MECOM: variants seen among roughly 807,000 people sequenced by gnomAD.
MECOM encodes histone-lysine N-methyltransferase MECOM.
In MECOM, 13 loss-of-function variants were observed where a neutral mutation model predicts 116.3. The ratio of observed to expected loss-of-function variants is 0.11; its 90% CI spans 0.07 to 0.18. The LOEUF (loss-of-function observed/expected upper bound fraction) is 0.18, where lower values mean the gene tolerates loss of function less well. Ranked by LOEUF, MECOM falls within the 10% of genes least tolerant of loss-of-function variation. MECOM has a pLI of 1.00. For synonymous variants in MECOM, 528 were observed against 535.2 expected (o/e 0.99, Z 0.19); for missense variants, 1,299 against 1,509.0 (o/e 0.86, Z 2.31).
chr3:169,646,225 G>A (rs985517669), intron 1 of MECOM, among the ~76,000 whole-genome samples: 10 of 149,014 alleles, frequency 6.7e-5, no homozygotes, highest in African/African-American at 1.5e-4. Flanking sequence ...GCCAAACACC[G>A]CATGTTCTCA....
At chr3:169,244,545 G>A (rs930301365) in intron 2 of MECOM, among the ~76,000 whole-genome samples, 1 of 152,146 alleles carries the variant, frequency 6.6e-6, no homozygotes, top group African/African-American at 2.4e-5. Context: ...AGAGACCTCT[G>A]CACCCAAGCT....
At chr3:169,507,650 CTTTTTTTTTTTTTTTTTT>C (rs1165167849) in intron 1 of MECOM, among the ~76,000 whole-genome samples, 2 of 57,146 alleles carry the variant, frequency 3.5e-5, no homozygotes, top group South Asian at 5.4e-4. Context: ...TCCCCACTTG[CTTTTTTTTTTTTTTTTTT>C]TTTTTTTTTT....
At chr3:169,191,503 A>C (rs1747542967) in intron 2 of MECOM, among the ~76,000 whole-genome samples, 1 of 151,748 alleles carries the variant, frequency 6.6e-6, no homozygotes, top group Non-Finnish European at 1.5e-5. Flanking sequence ...AGATGGATAA[A>C]ATATGTTTGA....
At chr3:169,148,624 C>A (rs577430002) in intron 2 of MECOM, among the ~76,000 whole-genome samples, 1 of 152,120 alleles carries the variant, frequency 6.6e-6, no homozygotes, top group African/African-American at 2.4e-5. Context: ...GGGACACTTG[C>A]GGGGGAGAGG....
intron 1 of MECOM, among the ~76,000 whole-genome samples, chr3:169,533,339 G>C (rs1215784664): frequency 1.3e-5 from 2 of 152,180 alleles, no homozygotes; most frequent in Non-Finnish European, 2.9e-5. Flanking sequence ...TCCAGGTCGT[G>C]ATGGTGGCAT....
chr3:169,276,914 G>T (rs2149670203), intron 2 of MECOM, among the ~76,000 whole-genome samples: 1 of 152,002 alleles, frequency 6.6e-6, no homozygotes, highest in East Asian at 1.9e-4. Flanking sequence ...ATTATATAAA[G>T]TATCTACTAT....
chr3:169,311,311 A>G (rs1469435659), intron 2 of MECOM, among the ~76,000 whole-genome samples: 1 of 152,254 alleles, frequency 6.6e-6, no homozygotes, highest in East Asian at 1.9e-4. Context: ...GTTTATACAA[A>G]GACCATGGAT....
At chr3:169,090,314 C>T in intron 14 of MECOM, 78 bp from the exon 15 acceptor site, 1 of 1,289,464 alleles carries the variant, frequency 7.8e-7, no homozygotes, top group East Asian at 2.3e-5. Context: ...ATTATGTCTT[C>T]CCAACAACAG....
At chr3:169,132,905 A>G (rs1355239627) in intron 3 of MECOM, among the ~76,000 whole-genome samples, 1 of 151,746 alleles carries the variant, frequency 6.6e-6, no homozygotes, top group Non-Finnish European at 1.5e-5. Flanking sequence ...AGCATGCAAC[A>G]CCACACCCAG....
chr3:169,091,089 T>C (rs532214079), intron 14 of MECOM, among the ~76,000 whole-genome samples: 5 of 152,192 alleles, frequency 3.3e-5, no homozygotes, highest in Admixed American at 3.3e-4. Flanking sequence ...TTAACCTCTT[T>C]TATCAAAGAA....
intron 9 of MECOM, among the ~76,000 whole-genome samples, chr3:169,109,019 A>T (rs1341384735): frequency 6.6e-6 from 1 of 152,246 alleles, no homozygotes. Context: ...AAGGAATAAT[A>T]GCCACTTTTA....
intron 1 of MECOM, among the ~76,000 whole-genome samples, chr3:169,563,115 G>T (rs1762846905): frequency 6.6e-6 from 1 of 150,892 alleles, no homozygotes; most frequent in Admixed American, 6.6e-5. Flanking sequence ...TGATTGCTTT[G>T]AAAGGGGTCA....
chr3:169,465,050 T>C (rs1422671310), intron 1 of MECOM, among the ~76,000 whole-genome samples: 4 of 152,136 alleles, frequency 2.6e-5, no homozygotes, highest in Non-Finnish European at 4.4e-5. Context: ...AATACTTATA[T>C]TAGAATCAGA....
At chr3:169,143,499 T>C (rs1471544357) in intron 3 of MECOM, among the ~76,000 whole-genome samples, 199 bp downstream of exon 3, 1 of 152,124 alleles carries the variant, frequency 6.6e-6, no homozygotes, top group African/African-American at 2.4e-5. Context: ...ACAAACTGAA[T>C]AGACTACCCA....
intron 1 of MECOM, among the ~76,000 whole-genome samples, chr3:169,647,402 C>T (rs1377669720): frequency 6.6e-6 from 1 of 152,212 alleles, no homozygotes; most frequent in Non-Finnish European, 1.5e-5. Flanking sequence ...CTCCATTTTA[C>T]AGATGATGAC....
chr3:169,238,672 A>T (rs1006600074), intron 2 of MECOM, among the ~76,000 whole-genome samples: 5 of 152,214 alleles, frequency 3.3e-5, no homozygotes, highest in African/African-American at 1.2e-4. Context: ...AAAAGTTTGC[A>T]TAAGGCATAA....
intron 1 of MECOM, among the ~76,000 whole-genome samples, chr3:169,460,875 A>G (rs1272952835): frequency 1.3e-5 from 2 of 152,180 alleles, no homozygotes; most frequent in Non-Finnish European, 2.9e-5. Context: ...ACAAAGGGGA[A>G]CCAATTAATT....
intron 2 of MECOM, among the ~76,000 whole-genome samples, chr3:169,152,252 A>AT (rs908313675): frequency 3.6e-4 from 55 of 151,810 alleles, no homozygotes; most frequent in African/African-American, 1.2e-3. Context: ...TTAAATTATT[A>AT]TTTTTTTTAT....
intron 1 of MECOM, among the ~76,000 whole-genome samples, chr3:169,481,335 T>C (rs946699512): frequency 2.6e-5 from 4 of 152,054 alleles, no homozygotes; most frequent in African/African-American, 7.2e-5. Context: ...GGTGGATCAA[T>C]TGAGGTCAGG....
Sources: gnomAD v4.1 joint callset for allele counts (sites outside exome capture counted in the v4.1 genomes callset) on GRCh38, gnomAD v4.1.1 for gene constraint, MANE v1.5 for transcripts, NCBI Gene and HGNC (gene_info 2026-07-23, HGNC 2026-07-21) for gene names.